The following SLC22A23 variants were observed in gnomAD, a reference collection of about 807,000 sequenced individuals.
SLC22A23 encodes the protein solute carrier family 22 member 23.
SLC22A23 carries 26 observed loss-of-function variants against 61.0 expected under a neutral mutation model. That is an observed-to-expected ratio of 0.43 (90% CI 0.31 to 0.59). The LOEUF (loss-of-function observed/expected upper bound fraction) is 0.59, where lower values mean the gene tolerates loss of function less well. SLC22A23 is among the 20% of genes least tolerant of loss of function. SLC22A23 has a pLI of 0.11. For synonymous variants in SLC22A23, 430 were observed against 413.9 expected, an observed-to-expected ratio of 1.04 and a Z score of -0.47; for missense variants, 796 against 934.7, an observed-to-expected ratio of 0.85 and a Z score of 1.94.
Position 3,308,718 on chromosome 6 carries a change from G to A in SLC22A23, c.1083-10500C>T, listed in dbSNP as rs1471075617. ...CCAGTACTTTGGGAGGTCGAGGTGG[G>A]TGGATCATGAGGTAAGGAGTTCAAG... On this transcript the variant is annotated intron_variant, in intron 4 of 9. Coordinates refer to ENST00000406686, the MANE Select transcript of SLC22A23 (RefSeq NM_015482.2). The surrounding 1 kb of genome is among the most constrained non-coding windows in gnomAD (Gnocchi z 5.1). Among the ~76,000 whole-genome samples, 1 of 152,234 alleles carries A rather than the reference G, an allele frequency of 6.6e-6. No individual in the cohort carries two copies. Among genetic ancestry groups the A allele is most frequent in the East Asian group, 1.9e-4 (1 of 5,202 alleles).
intron 2 of SLC22A23, among the ~76,000 whole-genome samples, chr6:3,412,608 G>C (rs1769346343): frequency 6.6e-6 from 1 of 152,168 alleles, no homozygotes. Flanking sequence ...TCTGTGGTGG[G>C]CAGAACAATG....
At chr6:3,448,378 G>A (rs755774181) in intron 1 of SLC22A23, among the ~76,000 whole-genome samples, 1 of 152,200 alleles carries the variant, frequency 6.6e-6, no homozygotes, top group Non-Finnish European at 1.5e-5. Context: ...ATGTGAAGTT[G>A]GATAGACACG....
intron 3 of SLC22A23, among the ~76,000 whole-genome samples, chr6:3,364,428 G>T (rs1410614848): frequency 6.6e-6 from 1 of 152,098 alleles, no homozygotes; most frequent in Non-Finnish European, 1.5e-5. Context: ...CTAGGACAAA[G>T]ATTTTTTATA....
intron 1 of SLC22A23, among the ~76,000 whole-genome samples, chr6:3,447,795 A>T (rs1348086826): frequency 2.0e-5 from 3 of 150,836 alleles, no homozygotes. Flanking sequence ...TCACTGTGTT[A>T]GTCAGTATGG....
At chr6:3,419,934 G>A (rs755417040) in intron 1 of SLC22A23, among the ~76,000 whole-genome samples, 7 of 152,140 alleles carry the variant, frequency 4.6e-5, no homozygotes, top group Non-Finnish European at 1.0e-4. Flanking sequence ...TAATACAAGA[G>A]TCTCTCTGCA....
chr6:3,315,370 A>C (rs1279307550), intron 4 of SLC22A23, among the ~76,000 whole-genome samples: 3 of 152,206 alleles, frequency 2.0e-5, no homozygotes, highest in African/African-American at 7.2e-5. Context: ...CACAGCACAG[A>C]GGAAATGCGT....
intron 3 of SLC22A23, among the ~76,000 whole-genome samples, chr6:3,370,464 G>A (rs774775858): frequency 1.3e-5 from 2 of 152,254 alleles, no homozygotes; most frequent in Non-Finnish European, 2.9e-5. Context: ...CACTGGAGAC[G>A]AAGCCTCCAG....
chr6:3,446,933 G>T (rs1456470082), intron 1 of SLC22A23, among the ~76,000 whole-genome samples: 2 of 152,098 alleles, frequency 1.3e-5, no homozygotes, highest in Non-Finnish European at 2.9e-5. Context: ...AGCCCTGGGG[G>T]AGTTATCAGC....
chr6:3,338,046 C>T (rs909391844), intron 3 of SLC22A23, among the ~76,000 whole-genome samples: 4 of 152,146 alleles, frequency 2.6e-5, no homozygotes, highest in Admixed American at 2.0e-4. Context: ...GGGACACTAC[C>T]GACTTGAATC....
At chr6:3,408,327 T>C (rs1199941228) in intron 3 of SLC22A23, among the ~76,000 whole-genome samples, 5 of 152,240 alleles carry the variant, frequency 3.3e-5, no homozygotes, top group Non-Finnish European at 7.3e-5. Flanking sequence ...ATCTTCAACA[T>C]AATATTTTGT....
intron 1 of SLC22A23, among the ~76,000 whole-genome samples, chr6:3,431,940 C>T (rs981264784): frequency 1.3e-5 from 2 of 152,214 alleles, no homozygotes; most frequent in African/African-American, 4.8e-5. Context: ...TTGTTGGTTA[C>T]ATGACTGTCC....
intron 1 of SLC22A23, among the ~76,000 whole-genome samples, chr6:3,439,902 A>C (rs1418623152): frequency 1.3e-5 from 2 of 152,150 alleles, no homozygotes; most frequent in Non-Finnish European, 2.9e-5. Flanking sequence ...TTTGGGAAAT[A>C]AACAAATCGG....
At chr6:3,406,547 T>C (rs1037621812) in intron 3 of SLC22A23, among the ~76,000 whole-genome samples, 27 of 89,186 alleles carry the variant, frequency 3.0e-4, no homozygotes, top group East Asian at 8.4e-4. Flanking sequence ...TGTGTGTGTG[T>C]GCGCGCATGT....
chr6:3,376,090 G>A (rs974985727), intron 3 of SLC22A23, among the ~76,000 whole-genome samples: 8 of 152,096 alleles, frequency 5.3e-5, no homozygotes, highest in Admixed American at 1.3e-4. Context: ...AATAAAGATC[G>A]TGCAGATTTT....
chr6:3,379,294 C>T (rs1215813636), intron 3 of SLC22A23, among the ~76,000 whole-genome samples: 3 of 152,172 alleles, frequency 2.0e-5, no homozygotes, highest in Non-Finnish European at 2.9e-5. Context: ...AGTTTAAAAA[C>T]CTGCTGGATT....
intron 1 of SLC22A23, among the ~76,000 whole-genome samples, chr6:3,425,578 C>G (rs1250770959): frequency 2.0e-5 from 3 of 152,064 alleles, no homozygotes; most frequent in Admixed American, 6.5e-5. Flanking sequence ...GTCACCGCAC[C>G]CGGCCGAATA....
rs1759997478 is a variant in SLC22A23, at chr6:3,286,292, G to A, written c.1546+567C>T. On this transcript the variant is annotated intron_variant, in intron 7 of 9. Coordinates refer to ENST00000406686, the MANE Select transcript of SLC22A23 (RefSeq NM_015482.2). This position sits in a 1 kb window ranked among gnomAD's most constrained non-coding sequence, Gnocchi z 4.2. ...TATTTTTTGTATATTTAGTAGAGAT[G>A]GGGTTTCACTACATTGGTCAGGCTG... 6.6e-6 allele frequency among the ~76,000 whole-genome samples: 1 copy of A among 151,998 alleles called. No homozygotes were observed.
chr6:3,288,375 T>C (rs1445270758), intron 6 of SLC22A23, among the ~76,000 whole-genome samples: 1 of 152,208 alleles, frequency 6.6e-6, no homozygotes, highest in Admixed American at 6.5e-5. Flanking sequence ...CCCTGCCCCA[T>C]AGGGGGAAGC....
intron 3 of SLC22A23, among the ~76,000 whole-genome samples, chr6:3,395,863 C>G (rs1767970934): frequency 2.6e-5 from 4 of 152,158 alleles, no homozygotes; most frequent in Admixed American, 2.0e-4. Flanking sequence ...GACTATTGTC[C>G]ATCACATGGA....
Sources: allele counts gnomAD v4.1 joint callset (sites outside exome capture counted in the v4.1 genomes callset), GRCh38; gene constraint gnomAD v4.1.1; non-coding constraint Gnocchi (gnomAD v3.1); transcripts MANE v1.5; gene names NCBI Gene and HGNC (gene_info 2026-07-23, HGNC 2026-07-21).